The following ZC3H12B variants were observed in gnomAD, a reference collection of about 807,000 sequenced individuals.
ZC3H12B encodes the protein zinc finger CCCH-type containing 12B.
In ZC3H12B, 7 loss-of-function variants were observed where a neutral mutation model predicts 43.9. That is an observed-to-expected ratio of 0.16 (90% confidence interval 0.09 to 0.30). ZC3H12B has a LOEUF of 0.30. Ranked by LOEUF, ZC3H12B falls within the 10% of genes least tolerant of loss-of-function variation. The probability of loss-of-function intolerance (pLI) is 1.00; values close to 1 mark genes in which losing one functional copy is unlikely to be tolerated. For missense variants in ZC3H12B, 475 were observed against 670.2 expected, an observed-to-expected ratio of 0.71 and a Z score of 3.22; for synonymous variants, 222 against 241.7, an observed-to-expected ratio of 0.92 and a Z score of 0.76.
At chrX:65,044,226 G>A in the ZC3H12B span, among the ~76,000 whole-genome samples, 6 of 111,762 alleles carry the variant, frequency 5.4e-5, no homozygotes, top group South Asian at 3.8e-4. Flanking sequence ...AAGCAAGGGC[G>A]TAGGACATGT....
At chrX:65,299,668 A>G in the ZC3H12B span, among the ~76,000 whole-genome samples, 18 of 112,286 alleles carry the variant, frequency 1.6e-4, no homozygotes, top group African/African-American at 5.5e-4. Flanking sequence ...GCAGGACTAA[A>G]TTGCAGCTTC....
the ZC3H12B span, among the ~76,000 whole-genome samples, chrX:65,176,155 G>T: frequency 8.9e-6 from 1 of 112,100 alleles, no homozygotes; most frequent in Non-Finnish European, 1.9e-5. Flanking sequence ...AATTCTAGCT[G>T]CCAGGACAGC....
At chrX:65,230,166 A>G in the ZC3H12B span, among the ~76,000 whole-genome samples, 1 of 111,818 alleles carries the variant, frequency 8.9e-6, no homozygotes, top group Non-Finnish European at 1.9e-5. Flanking sequence ...CTGGATTAAG[A>G]AAATGTGGCT....
At chrX:65,389,038 T>A (rs2148026772) in intron 2 of ZC3H12B, among the ~76,000 whole-genome samples, 1 of 112,049 alleles carries the variant, frequency 8.9e-6, no homozygotes, top group Non-Finnish European at 1.9e-5. Context: ...GAGGTGTCAG[T>A]CTTCCCCTAC....
At chrX:65,050,145 T>A in the ZC3H12B span, among the ~76,000 whole-genome samples, 3 of 111,536 alleles carry the variant, frequency 2.7e-5, no homozygotes, top group Non-Finnish European at 5.7e-5. Context: ...GTTAAGTTTA[T>A]TTCTAAGTAT....
the ZC3H12B span, among the ~76,000 whole-genome samples, chrX:65,355,109 G>A: frequency 1.8e-5 from 2 of 111,319 alleles, no homozygotes; most frequent in Non-Finnish European, 3.8e-5. Context: ...GAAATACAGA[G>A]GACACCACAA....
the ZC3H12B span, among the ~76,000 whole-genome samples, chrX:65,170,947 C>G: frequency 1.8e-5 from 2 of 111,530 alleles, no homozygotes; most frequent in Non-Finnish European, 1.9e-5. Context: ...AATATTTTTT[C>G]AAGGTTTTTA....
chrX:65,449,375 T>A (rs954443188), intron 3 of ZC3H12B, among the ~76,000 whole-genome samples: 1 of 111,405 alleles, frequency 9.0e-6, no homozygotes, highest in South Asian at 3.8e-4. Flanking sequence ...TCCTAGCACA[T>A]TGGGAGGCCA....
intron 2 of ZC3H12B, among the ~76,000 whole-genome samples, chrX:65,393,848 C>A (rs753260273): frequency 8.9e-6 from 1 of 112,142 alleles, no homozygotes; most frequent in Non-Finnish European, 1.9e-5. Flanking sequence ...TCTCTGCATC[C>A]TCTCCAGCAT....
the ZC3H12B span, among the ~76,000 whole-genome samples, chrX:65,155,199 C>A: frequency 9.0e-6 from 1 of 110,717 alleles, no homozygotes; most frequent in African/African-American, 3.3e-5. Context: ...CTCAAGCCAT[C>A]TGCCCACCTT....
the ZC3H12B span, among the ~76,000 whole-genome samples, chrX:65,311,009 A>G: frequency 1.9e-4 from 21 of 112,507 alleles, no homozygotes; most frequent in Non-Finnish European, 3.0e-4. Flanking sequence ...GATGGATTAA[A>G]GACTTAAATG....
the ZC3H12B span, among the ~76,000 whole-genome samples, chrX:65,171,220 G>C: frequency 4.5e-5 from 5 of 111,228 alleles, no homozygotes; most frequent in East Asian, 1.4e-3. Flanking sequence ...GTCGGGTTTC[G>C]GTGTGGATGT....
the ZC3H12B span, among the ~76,000 whole-genome samples, chrX:65,060,799 G>A: frequency 5.4e-5 from 6 of 111,828 alleles, no homozygotes; most frequent in South Asian, 1.1e-3. Flanking sequence ...GGAAGTCTTC[G>A]TTTCTCCTCT....
the ZC3H12B span, among the ~76,000 whole-genome samples, chrX:65,070,754 C>A: frequency 1.1e-4 from 12 of 106,752 alleles, no homozygotes; most frequent in East Asian, 3.5e-3. Context: ...TGAGCAATTT[C>A]CTTAGCCTTG....
the ZC3H12B span, among the ~76,000 whole-genome samples, chrX:65,120,236 G>T: frequency 8.9e-6 from 1 of 111,795 alleles, no homozygotes; most frequent in Admixed American, 9.5e-5. Context: ...ATTACCTTGG[G>T]CAGTATGGCC....
At chrX:65,106,760 G>A in the ZC3H12B span, among the ~76,000 whole-genome samples, 1 of 111,298 alleles carries the variant, frequency 9.0e-6, no homozygotes, top group Non-Finnish European at 1.9e-5. Context: ...GTGAATAATA[G>A]TAATTATAAT....
At chrX:65,281,045 G>A in the ZC3H12B span, among the ~76,000 whole-genome samples, 1 of 110,645 alleles carries the variant, frequency 9.0e-6, no homozygotes, top group Non-Finnish European at 1.9e-5. Flanking sequence ...AATTTGTATG[G>A]AACCACAAAT....
chrX:65,070,573 G>A, the ZC3H12B span, among the ~76,000 whole-genome samples: 1 of 110,773 alleles, frequency 9.0e-6, no homozygotes. Flanking sequence ...GGTGTTTAGT[G>A]CTATAAATTT....
chrX:65,249,711 G>C, the ZC3H12B span, among the ~76,000 whole-genome samples: 13 of 108,051 alleles, frequency 1.2e-4, no homozygotes, highest in Non-Finnish European at 2.5e-4. Flanking sequence ...TCATTTCTTT[G>C]TGTTGTCTAT....
Sources: gnomAD v4.1 joint callset for allele counts (sites outside exome capture counted in the v4.1 genomes callset) on GRCh38, gnomAD v4.1.1 for gene constraint, MANE v1.5 for transcripts, NCBI Gene and HGNC (gene_info 2026-07-23, HGNC 2026-07-21) for gene names.